Variants in NEB observed in about 807,000 individuals in gnomAD.
The protein encoded by NEB is nebulin.
In NEB, 512 loss-of-function variants were observed where a neutral mutation model predicts 952.2. The observed-to-expected ratio is 0.54, with a 90% CI of 0.50 to 0.58. The LOEUF is 0.58. NEB is among the 20% of genes least tolerant of loss of function. NEB has a pLI of 0.00. For synonymous variants in NEB, 2,900 were observed against 3,149.8 expected (o/e 0.92, Z 2.66); for missense variants, 8,428 against 9,231.1 (o/e 0.91, Z 3.56).
Position 151,692,362 on chromosome 2 carries a change from T to C in NEB, c.1897A>G (p.Arg633Gly). Residue 633 changes from arginine (R) to glycine (G), a missense_variant and splice_region_variant, in exon 21 of 182, where the codon AGA (arginine) becomes GGA (glycine). Physicochemically the swap from Arg to Gly is moderately radical, Grantham distance 125. Transcript: ENST00000397345. ...SLKVAKNQSD[R>G]LYKENYEKTK... ...TTCTCATAGTTTTCCTTGTATAATC[T>C]CTGTTAAAGGAAAAATAAATTAAAC... 1 of 1,587,134 alleles carries C rather than the reference T, an allele frequency of 6.3e-7. No individual in the cohort carries two copies. The highest frequency in any genetic ancestry group is 8.6e-7 in the Non-Finnish European group (1 of 1,157,842).
intron 51 of NEB, among the ~76,000 whole-genome samples, chr2:151,654,698 T>A (rs1279979340): frequency 6.6e-6 from 1 of 152,188 alleles, no homozygotes; most frequent in Non-Finnish European, 1.5e-5. Flanking sequence ...TTAGTCCTCA[T>A]GGCAATCCAA....
chr2:151,495,228 G>T (rs1225166706), intron 173 of NEB: 3 of 152,296 alleles, frequency 2.0e-5, no homozygotes, highest in African/African-American at 7.2e-5. Flanking sequence ...TCTCCCCTCA[G>T]TGTCATTCTT....
chr2:151,639,495 TAC>T (rs2098820694), intron 62 of NEB, 111 bp from the exon 63 acceptor site: 1 of 777,270 alleles, frequency 1.3e-6, no homozygotes, highest in Admixed American at 3.1e-5. Context: ...ATGTGTTTTA[TAC>T]ACATTATGTG....
chr2:151,502,739 A>G (rs1311644703), intron 167 of NEB, 54 bp downstream of exon 167: 17 of 961,444 alleles, frequency 1.8e-5, no homozygotes, highest in African/African-American at 6.5e-5. Flanking sequence ...GTAAGGTGTT[A>G]TTATTTTAAA....
Position 151,493,413 on chromosome 2 carries a change from A to T in NEB, c.24705T>A (p.Thr8235=). Residue 8235 remains threonine (T), a synonymous_variant, in exon 176 of 182, where the codon ACT becomes ACA. Coordinates refer to ENST00000397345, the MANE Select transcript of NEB (RefSeq NM_001164508.2). ...CCATCTCTGGAGTAACAGGTGTCGG[A>T]GTTGCTTTTCTCATGTTCTCTTTGT... ...VLYKENMRKA[T]PTPVTPEMER... The T allele has an allele frequency of 6.2e-7, 1 of 1,607,966 alleles. No homozygotes were observed. Among genetic ancestry groups the T allele is most frequent in the Non-Finnish European group, 8.5e-7 (1 of 1,178,074 alleles).
At position 151,555,064 on chromosome 2, in the gene NEB, A is replaced by G; in HGVS notation, c.19315-20T>C. ...TTTGATCTATAGAGAATAAGTAGAAAGGAAGAAACAGTTTTAGAGAGTAAT... is the reference window on the plus strand; with the variant it reads ...TTTGATCTATAGAGAATAAGTAGAAGGGAAGAAACAGTTTTAGAGAGTAAT... On this transcript the variant is annotated intron_variant, in intron 124 of 181. Transcript: ENST00000397345. 6.7e-7 allele frequency: 1 copy of G among 1,482,558 alleles called. No homozygotes were observed. The highest frequency in any genetic ancestry group is 9.4e-7 in the Non-Finnish European group (1 of 1,060,462). The allele number at this position is 1,482,558 out of a possible 1,614,324, so 91.8% of individuals were successfully genotyped here.
rs1415077307 is a variant in NEB, at chr2:151,546,391, T to C, written c.20420A>G (p.Tyr6807Cys). 1 of 1,613,608 alleles carries C rather than the reference T, an allele frequency of 6.2e-7. No homozygotes were observed. Residue 6807 changes from tyrosine to cysteine, a missense_variant, in exon 134 of 182, where the codon TAT (tyrosine) becomes TGT (cysteine). Around this residue, in one of 11 missense-constraint regions of NEB, gnomAD observed 3,374 missense variants for 3,651.5 expected, o/e 0.92. Transcript: ENST00000397345. Reference protein sequence around the residue: ...QVLKGFGCFLYDTPDMVRSRH... With the variant: ...QVLKGFGCFLCDTPDMVRSRH... ...GGAGCGGACCATGTCAGGAGTGTCA[T>C]ACAGGAAGCAGCCAAATCCCTTCAG...
intron 27 of NEB, among the ~76,000 whole-genome samples, chr2:151,686,742 T>G (rs1447349602): frequency 6.6e-6 from 1 of 152,158 alleles, no homozygotes; most frequent in East Asian, 1.9e-4. Flanking sequence ...TCTTAAGGGA[T>G]TCTCTAAACA....
At chr2:151,520,756 C>A (rs1436293932) in intron 153 of NEB, among the ~76,000 whole-genome samples, 1 of 152,094 alleles carries the variant, frequency 6.6e-6, no homozygotes, top group Non-Finnish European at 1.5e-5. Flanking sequence ...CTCAGCTACT[C>A]AGGAGGCTGA....
Position 151,705,347 on chromosome 2 carries a change from A to G in NEB, c.1152+1534T>C, listed in dbSNP as rs75901530. Among the ~76,000 whole-genome samples the G allele has an allele frequency of 9.2e-3, 1,394 of 152,304 alleles. 29 individuals carry two copies. The highest frequency in any genetic ancestry group is 0.062 in the East Asian group (322 of 5,184). On this transcript the variant is annotated intron_variant, in intron 13 of 181. Coordinates refer to ENST00000397345, the MANE Select transcript of NEB (RefSeq NM_001164508.2). Reference sequence around the variant, plus strand: ...TTTCAAAATGTAAATGATGCTATTCATGTTTAATATTTTTATATTCCTGTC... The same window carrying G: ...TTTCAAAATGTAAATGATGCTATTCGTGTTTAATATTTTTATATTCCTGTC...
chr2:151,503,800 AT>A (rs2066661160), intron 165 of NEB, among the ~76,000 whole-genome samples: 1 of 152,132 alleles, frequency 6.6e-6, no homozygotes, highest in African/African-American at 2.4e-5. Context: ...TAATGAATAG[AT>A]TGCTTGGTTT....
intron 142 of NEB, 40 bp downstream of exon 142, chr2:151,535,650 GA>G (rs2093026704): frequency 7.9e-7 from 1 of 1,260,608 alleles, no homozygotes; most frequent in South Asian, 1.3e-5. Context: ...CTTCTTTAGG[GA>G]ATTGAATAGG....
At chr2:151,524,251 C>T in intron 153 of NEB, 60 bp downstream of exon 153, 4 of 1,389,076 alleles carry the variant, frequency 2.9e-6, no homozygotes, top group South Asian at 2.3e-5. Flanking sequence ...ATCACTTCTT[C>T]CTGCAAGGTC....
intron 169 of NEB, among the ~76,000 whole-genome samples, chr2:151,498,577 G>GT (rs1163379121): frequency 1.3e-5 from 2 of 152,102 alleles, no homozygotes; most frequent in Non-Finnish European, 2.9e-5. Context: ...AAGAAAGGTT[G>GT]TTATTTTCAT....
At chr2:151,605,520 G>C (rs1265745622) in intron 84 of NEB, among the ~76,000 whole-genome samples, 3 of 117,944 alleles carry the variant, frequency 2.5e-5, no homozygotes, top group African/African-American at 7.6e-5. Flanking sequence ...CTGTGGACAA[G>C]AGTTTCCATC....
At position 151,658,007 on chromosome 2, in the gene NEB, C is replaced by T. The variant is rs140186806; in HGVS notation, c.6159G>A (p.Lys2053=). Residue 2053 remains lysine (K), a synonymous_variant, in exon 48 of 182, where the codon AAG becomes AAA. Transcript: ENST00000397345. The stretch of plus-strand genomic sequence containing the variant: ...CATCACTTGCAATATCTCTGGAAGC[C>T]TTGGCAGCTTTGATAGGAATTGCAT... The part of the protein sequence containing the change: ...RPDAIPIKAA[K]ASRDIASDYK... The T allele has an allele frequency of 9.2e-3, 14,735 of 1,609,240 alleles. 80 individuals carry two copies. Among genetic ancestry groups the T allele is most frequent in the Middle Eastern group, 0.02 (121 of 6,044 alleles).
intron 10 of NEB, chr2:151,716,060 C>CT: frequency 2.6e-6 from 1 of 378,446 alleles, no homozygotes; most frequent in South Asian, 2.1e-5. Flanking sequence ...TTGAAAACAC[C>CT]TTTTTATTTT....
Position 151,658,097 on chromosome 2 carries a change from A to C in NEB, c.6076-7T>G. 1 of 1,544,736 alleles carries C rather than the reference A, an allele frequency of 6.5e-7. No homozygotes were observed. The highest frequency in any genetic ancestry group is 8.9e-7 in the Non-Finnish European group (1 of 1,124,674). On this transcript the variant is annotated splice_polypyrimidine_tract_variant and splice_region_variant and intron_variant, in intron 47 of 181. Transcript: ENST00000397345. ...AGGAAAGTTTGTAGAGTTTCTGTAA[A>C]GAGAGGCAAAGGGAAGAGTTTTCTT...
intron 121 of NEB, 142 bp downstream of exon 121, chr2:151,561,968 C>A: frequency 1.5e-6 from 1 of 671,390 alleles, no homozygotes; most frequent in Admixed American, 2.4e-5. Context: ...ACTAGAAGAG[C>A]TTTGATTGGG....
Sources: gnomAD v4.1 joint callset for allele counts (sites outside exome capture counted in the v4.1 genomes callset) on GRCh38, gnomAD v4.1.1 for gene constraint, gnomAD v4.1.1 regional missense constraint, MANE v1.5 for transcripts, NCBI Gene and HGNC (gene_info 2026-07-23, HGNC 2026-07-21) for gene names.